Variants in ZDHHC20 observed in about 807,000 individuals in gnomAD.
ZDHHC20 encodes the protein zDHHC palmitoyltransferase 20.
In ZDHHC20, 43 loss-of-function variants were observed where a neutral mutation model predicts 57.8. The observed-to-expected ratio is 0.74, with a 90% CI of 0.58 to 0.96. The LOEUF is 0.96. Among genes scored for constraint, ZDHHC20 ranks in the 40% least tolerant of loss-of-function variants. The pLI is 0.00. For missense variants in ZDHHC20, 391 were observed against 441.1 expected, an observed-to-expected ratio of 0.89 and a Z score of 1.02; for synonymous variants, 157 against 153.0, an observed-to-expected ratio of 1.03 and a Z score of -0.19.
chr13:21,426,890 G>A (rs921923307), intron 1 of ZDHHC20, among the ~76,000 whole-genome samples: 1 of 152,286 alleles, frequency 6.6e-6, no homozygotes, highest in South Asian at 2.1e-4. Context: ...TTACAGGCAT[G>A]AGCCACCGCG....
At chr13:21,446,205 A>T (rs1197889186) in intron 1 of ZDHHC20, among the ~76,000 whole-genome samples, 2 of 152,204 alleles carry the variant, frequency 1.3e-5, no homozygotes, top group African/African-American at 4.8e-5. Context: ...TTTTTTTAGC[A>T]GATTCATTAG....
At position 21,397,170 on chromosome 13, in the gene ZDHHC20, G is replaced by A. The variant is rs1239700789; in HGVS notation, c.594+3203C>T. The stretch of plus-strand genomic sequence containing the variant: ...AGCATTTTGGGAGACCGAGGCGGGC[G>A]GATCACCTGAGGTCAGGAGTTCAAG... On this transcript the variant is annotated intron_variant, in intron 7 of 12. Transcript: ENST00000400590. Among the ~76,000 whole-genome samples, 4 of 151,980 alleles carry A rather than the reference G, an allele frequency of 2.6e-5. No homozygotes were observed. In the South Asian group the frequency reaches 8.3e-4, roughly 32 times the overall value.
At position 21,376,655 on chromosome 13, in the gene ZDHHC20, C is replaced by A; in HGVS notation, c.*41G>T. 2 of 1,409,798 alleles carry A rather than the reference C, an allele frequency of 1.4e-6. No individual in the cohort carries two copies. Among genetic ancestry groups the A allele is most frequent in the Non-Finnish European group, 1.9e-6 (2 of 1,049,528 alleles). The allele number at this position is 1,409,798 out of a possible 1,614,324, so 87.3% of individuals were successfully genotyped here. ...TACCAGTCTATAATGTTTTCATACA[C>A]CTACAAAAAAAGAAACAAATTATTG... On this transcript the variant is annotated splice_region_variant and 3_prime_UTR_variant, in exon 13 of 13. Coordinates refer to ENST00000400590, the MANE Select transcript of ZDHHC20 (RefSeq NM_001330059.2).
At chr13:21,393,602 G>A (rs1040409316) in intron 7 of ZDHHC20, among the ~76,000 whole-genome samples, 1 of 151,060 alleles carries the variant, frequency 6.6e-6, no homozygotes, top group African/African-American at 2.4e-5. Context: ...CTACTTGGGA[G>A]GCTGAGGCAG....
At chr13:21,441,398 T>C (rs1042064975) in intron 1 of ZDHHC20, among the ~76,000 whole-genome samples, 1 of 151,696 alleles carries the variant, frequency 6.6e-6, no homozygotes, top group African/African-American at 2.4e-5. Flanking sequence ...TCTCTTTTTT[T>C]TTTTTGAGAC....
chr13:21,400,812 G>T (rs901356162), intron 6 of ZDHHC20, among the ~76,000 whole-genome samples: 2 of 151,900 alleles, frequency 1.3e-5, no homozygotes, highest in Admixed American at 1.3e-4. Flanking sequence ...CCAGGTTCAC[G>T]TGATTCTCCT....
Position 21,375,042 on chromosome 13 carries a change from G to T in ZDHHC20, c.*1654C>A, listed in dbSNP as rs1205381850. 4 of 439,450 alleles carry T rather than the reference G, an allele frequency of 9.1e-6. No individual in the cohort carries two copies. Among genetic ancestry groups the T allele is most frequent in the Non-Finnish European group, 1.8e-5 (4 of 219,512 alleles). 27.2% of individuals were successfully genotyped at this position (439,450 alleles called of 1,614,324 possible). On this transcript the variant is annotated 3_prime_UTR_variant, in exon 13 of 13. Transcript: ENST00000400590. ...CCAGCTACTTGGGAGGCTGAGGCAG[G>T]AGACTCTATTGAACCTGGAAGGCAG...
At chr13:21,387,090 C>T (rs1377618945) in intron 9 of ZDHHC20, among the ~76,000 whole-genome samples, 1 of 152,140 alleles carries the variant, frequency 6.6e-6, no homozygotes, top group Non-Finnish European at 1.5e-5. Context: ...AATATACTCT[C>T]ATTTACATTT....
intron 1 of ZDHHC20, 119 bp downstream of exon 1, chr13:21,458,935 G>A (rs1198511973): frequency 8.5e-6 from 6 of 704,196 alleles, no homozygotes; most frequent in Non-Finnish European, 1.3e-5. Context: ...CGCGTTCGGG[G>A]CCGGACGCCC....
rs375247569 is a variant in ZDHHC20, at chr13:21,376,571, CT to C, written c.*124del. On this transcript the variant is annotated 3_prime_UTR_variant, in exon 13 of 13. Coordinates refer to ENST00000400590, the MANE Select transcript of ZDHHC20 (RefSeq NM_001330059.2). ...CTTTCCGTTTTAAAAAATATATCTTCTGTTATACTTCAGTTATTTCATTCCA... is the reference window on the plus strand; with the variant it reads ...CTTTCCGTTTTAAAAAATATATCTTCGTTATACTTCAGTTATTTCATTCCA... 3.3e-4 allele frequency: 373 copies of C among 1,130,798 alleles called. 4 individuals are homozygous for C. The African/African-American group carries it at 5.1e-3, about 15-fold the overall frequency. 70.0% of individuals were successfully genotyped at this position (1,130,798 alleles called of 1,614,324 possible). A position where few individuals can be genotyped will look rare whatever the true frequency, so the allele number is the denominator to read the frequency against.
At chr13:21,395,098 G>C (rs1303716766) in intron 7 of ZDHHC20, among the ~76,000 whole-genome samples, 1 of 147,092 alleles carries the variant, frequency 6.8e-6, no homozygotes, top group Non-Finnish European at 1.5e-5. Flanking sequence ...ATAGAGTCTC[G>C]ATCTGTAGCC....
chr13:21,378,251 A>C (rs1872593105), intron 12 of ZDHHC20, among the ~76,000 whole-genome samples: 1 of 151,870 alleles, frequency 6.6e-6, no homozygotes, highest in African/African-American at 2.4e-5. Context: ...TCACTATACT[A>C]ATTTAAGTAT....
intron 1 of ZDHHC20, among the ~76,000 whole-genome samples, chr13:21,445,374 G>A (rs892088686): frequency 4.6e-5 from 7 of 152,012 alleles, no homozygotes; most frequent in Admixed American, 2.0e-4. Flanking sequence ...ACAAAATAAT[G>A]CTAATAATCT....
rs1243724833 is a variant in ZDHHC20 at position 21,376,586 on chromosome 13, T to A, written c.*110A>T. ...AATATATCTTCTGTTATACTTCAGT[T>A]ATTTCATTCCACTGATCATTTTCTT... On this transcript the variant is annotated 3_prime_UTR_variant, in exon 13 of 13. Transcript: ENST00000400590. 1 of 1,253,696 alleles carries A rather than the reference T, an allele frequency of 8.0e-7. No homozygotes were observed. The highest frequency in any genetic ancestry group is 1.1e-6 in the Non-Finnish European group (1 of 921,738). The allele number at this position is 1,253,696 out of a possible 1,614,324, so 77.7% of individuals were successfully genotyped here.
rs1885197528 is a variant in ZDHHC20 at position 21,459,236 on chromosome 13, G to T, written c.-65C>A. Reference sequence around the variant, plus strand: ...TGGGGAGCGCGGGAGCCCCGGCGACGGTGACTCGGACGCTCCAGGCGGCTG... The same window carrying T: ...TGGGGAGCGCGGGAGCCCCGGCGACTGTGACTCGGACGCTCCAGGCGGCTG... On this transcript the variant is annotated 5_prime_UTR_variant, in exon 1 of 13. Coordinates refer to ENST00000400590, the MANE Select transcript of ZDHHC20 (RefSeq NM_001330059.2). 7.6e-7 allele frequency: 1 copy of T among 1,321,538 alleles called. No homozygotes were observed. The highest frequency in any genetic ancestry group is 1.0e-6 in the Non-Finnish European group (1 of 965,284). 81.9% of individuals were successfully genotyped at this position (1,321,538 alleles called of 1,614,324 possible). A position where few individuals can be genotyped will look rare whatever the true frequency, so the allele number is the denominator to read the frequency against.
chr13:21,401,600 C>T (rs1877632484), intron 6 of ZDHHC20, 53 bp downstream of exon 6: 2 of 1,505,418 alleles, frequency 1.3e-6, no homozygotes, highest in Admixed American at 2.3e-5. Context: ...TGAAGTTACT[C>T]TAAATTCTCT....
At chr13:21,424,873 A>C (rs1263762221) in intron 2 of ZDHHC20, among the ~76,000 whole-genome samples, 2 of 152,332 alleles carry the variant, frequency 1.3e-5, no homozygotes, top group East Asian at 3.9e-4. Flanking sequence ...AAAATAAGCC[A>C]ACCAAGATTG....
At chr13:21,443,027 C>T (rs1161780807) in intron 1 of ZDHHC20, among the ~76,000 whole-genome samples, 1 of 152,206 alleles carries the variant, frequency 6.6e-6, no homozygotes, top group Non-Finnish European at 1.5e-5. Flanking sequence ...CTTATTTCTA[C>T]CAGTGCCTTC....
chr13:21,390,500 TGA>T (rs1875491136), intron 8 of ZDHHC20, among the ~76,000 whole-genome samples: 2 of 152,170 alleles, frequency 1.3e-5, no homozygotes, highest in Admixed American at 1.3e-4. Context: ...CACTGACAAC[TGA>T]CACAAATATG....
Sources: allele counts gnomAD v4.1 joint callset (sites outside exome capture counted in the v4.1 genomes callset), GRCh38; gene constraint gnomAD v4.1.1; transcripts MANE v1.5; gene names NCBI Gene and HGNC (gene_info 2026-07-23, HGNC 2026-07-21).